The following SLC26A11 variants were observed in gnomAD, a reference collection of about 807,000 sequenced individuals.
The protein encoded by SLC26A11 is solute carrier family 26 member 11, also known as sodium-independent sulfate anion transporter.
SLC26A11 carries 58 observed loss-of-function variants against 62.2 expected under a neutral mutation model. The ratio of observed to expected loss-of-function variants is 0.93; its 90% CI spans 0.76 to 1.16. The LOEUF (loss-of-function observed/expected upper bound fraction) is 1.16. Ranked by LOEUF, SLC26A11 falls within the 50% of genes most tolerant of loss-of-function variation. SLC26A11 has a pLI of 0.00. For synonymous variants in SLC26A11, 411 were observed against 368.9 expected (o/e 1.11, Z -1.31); for missense variants, 790 against 794.3 (o/e 0.99, Z 0.06).
intron 5 of SLC26A11, among the ~76,000 whole-genome samples, chr17:80,224,426 A>T (rs12950019): frequency 5.6e-4 from 68 of 121,408 alleles, no homozygotes; most frequent in African/African-American, 1.9e-3. Context: ...AGTGAGTGAG[A>T]GTGGGTGTGG....
intron 1 of SLC26A11, 36 bp downstream of exon 1, chr17:80,220,532 C>T: frequency 2.3e-6 from 1 of 442,574 alleles, no homozygotes; most frequent in Non-Finnish European, 3.9e-6. Flanking sequence ...CGAGCGGGGA[C>T]CAGGGGCAGG....
At chr17:80,247,653 C>A (rs2144976182) in intron 13 of SLC26A11, among the ~76,000 whole-genome samples, 1 of 152,340 alleles carries the variant, frequency 6.6e-6, no homozygotes, top group Admixed American at 6.5e-5. Context: ...GAAACGTGTT[C>A]ATGTGCCGGC....
Position 80,237,167 on chromosome 17 carries a change from A to T in SLC26A11, c.912+64A>T, listed in dbSNP as rs1363643891. The T allele has an allele frequency of 5.2e-6, 8 of 1,549,006 alleles. No homozygotes were observed. The Admixed American group carries it at 1.5e-4, about 28-fold the overall frequency. ...TGCGGTGGCCCCTGGCCTGGCTCCT[A>T]CCCTGATGTATCTGCTGGGTGCCAG... On this transcript the variant is annotated intron_variant, in intron 8 of 17. Transcript: ENST00000361193.
rs771875538 is a variant in SLC26A11 at position 80,237,437 on chromosome 17, G to A, written c.913-85G>A. ...CACTTGCTCCTGTTACCTGTGGGGC[G>A]GGGTGGGTCCTTGCTGCTTTCATGG... On this transcript the variant is annotated intron_variant, in intron 8 of 17. Transcript: ENST00000361193. 3.2e-5 allele frequency: 40 copies of A among 1,268,354 alleles called. No homozygotes were observed. The African/African-American group carries it at 3.6e-4, about 11-fold the overall frequency. The allele number at this position is 1,268,354 out of a possible 1,614,324, so 78.6% of individuals were successfully genotyped here.
chr17:80,245,061 C>T, intron 10 of SLC26A11, 135 bp from the exon 11 acceptor site: 2 of 723,810 alleles, frequency 2.8e-6, no homozygotes, highest in Non-Finnish European at 4.9e-6. Context: ...AGTGCGTAGG[C>T]CCAGGCCCCC....
intron 7 of SLC26A11, among the ~76,000 whole-genome samples, chr17:80,229,891 C>T (rs148824900): frequency 0.01 from 1,581 of 152,200 alleles, 16 homozygotes; most frequent in South Asian, 0.038. Flanking sequence ...CCAGGGGATT[C>T]ATGGGGTCAG....
At chr17:80,245,400 A>G (rs1241563006) in intron 11 of SLC26A11, 144 bp downstream of exon 11, 1 of 726,324 alleles carries the variant, frequency 1.4e-6, no homozygotes, top group Admixed American at 2.1e-5. Flanking sequence ...GGGGTCACCC[A>G]CTGTCCTCCA....
Position 80,221,795 on chromosome 17 carries a change from G to T in SLC26A11, c.234+1G>T. ...TGAAGTGGCTGGACTCCCGCCCCAG[G>T]TGAGGCGTCTGACCCTGCTGCCAGC... On this transcript the variant is annotated splice_donor_variant, in intron 3 of 17. Coordinates refer to ENST00000361193, the MANE Select transcript of SLC26A11 (RefSeq NM_001166347.2). LOFTEE classifies it high-confidence loss of function. 1 of 1,608,284 alleles carries T rather than the reference G, an allele frequency of 6.2e-7. No individual in the cohort carries two copies. Among genetic ancestry groups the T allele is most frequent in the Non-Finnish European group, 8.5e-7 (1 of 1,179,210 alleles).
intron 6 of SLC26A11, among the ~76,000 whole-genome samples, chr17:80,226,227 A>G (rs2042406654): frequency 6.6e-6 from 1 of 152,150 alleles, no homozygotes; most frequent in Admixed American, 6.5e-5. Flanking sequence ...GGGGACAGGA[A>G]TGGGGAGAGT....
intron 6 of SLC26A11, 103 bp downstream of exon 6, chr17:80,226,019 CAG>C (rs1478477216): frequency 4.6e-5 from 47 of 1,030,934 alleles, no homozygotes; most frequent in South Asian, 9.8e-5. Flanking sequence ...ACTGCTCAAA[CAG>C]GGGTCCCCAG....
In SLC26A11 at chr17:80,228,278, G is replaced by T. The variant is rs546360422; in HGVS notation, c.736+318G>T. Among the ~76,000 whole-genome samples, 208 of 152,184 alleles carry T rather than the reference G, an allele frequency of 1.4e-3. No individual in the cohort carries two copies. Among genetic ancestry groups the T allele is most frequent in the Middle Eastern group, 3.4e-3 (1 of 294 alleles). On this transcript the variant is annotated intron_variant, in intron 7 of 17. Coordinates refer to ENST00000361193, the MANE Select transcript of SLC26A11 (RefSeq NM_001166347.2). This position sits in a 1 kb window ranked among gnomAD's most constrained non-coding sequence, Gnocchi z 4.1. ...CTCCTGAGTAGCTGGGATTACAGGCGCATGCCACCACGCTCGACTGATTTT... is the reference window on the plus strand; with the variant it reads ...CTCCTGAGTAGCTGGGATTACAGGCTCATGCCACCACGCTCGACTGATTTT...
At chr17:80,226,743 G>T (rs958501495) in intron 6 of SLC26A11, among the ~76,000 whole-genome samples, 8 of 152,174 alleles carry the variant, frequency 5.3e-5, no homozygotes, top group Admixed American at 1.3e-4. Flanking sequence ...TCTGATGAGG[G>T]GTACCTCCCT....
At chr17:80,242,664 C>T (rs2042895413) in intron 10 of SLC26A11, among the ~76,000 whole-genome samples, 1 of 152,214 alleles carries the variant, frequency 6.6e-6, no homozygotes, top group African/African-American at 2.4e-5. Flanking sequence ...TGTTACGTCT[C>T]TGCGGGCTGA....
At chr17:80,241,698 GT>G (rs1242493804) in intron 9 of SLC26A11, 72 bp from the exon 10 acceptor site, 1 of 1,455,392 alleles carries the variant, frequency 6.9e-7, no homozygotes, top group African/African-American at 1.4e-5. Context: ...CATAATCTGT[GT>G]TACATTTTGT....
chr17:80,222,595 C>G lies in SLC26A11; in HGVS notation c.235-60C>G. 6.5e-7 allele frequency: 1 copy of G among 1,547,188 alleles called. No individual in the cohort carries two copies. The highest frequency in any genetic ancestry group is 2.3e-5 in the East Asian group (1 of 44,416). ...CACATCCCGAGCTTGGACACGCACA[C>G]TAGGGAGCTGGTGGATGGGCCTCGG... On this transcript the variant is annotated intron_variant, in intron 3 of 17. Coordinates refer to ENST00000361193, the MANE Select transcript of SLC26A11 (RefSeq NM_001166347.2). This position sits in a 1 kb window ranked among gnomAD's most constrained non-coding sequence, Gnocchi z 4.7.
At chr17:80,244,494 C>T (rs1224030650) in intron 10 of SLC26A11, among the ~76,000 whole-genome samples, 3 of 152,132 alleles carry the variant, frequency 2.0e-5, no homozygotes, top group Admixed American at 6.5e-5. Context: ...CTCTGTTCTG[C>T]GTGGGGAAGG....
Position 80,237,568 on chromosome 17 carries a change from A to T in SLC26A11, c.959A>T (p.Glu320Val). 1.2e-6 allele frequency: 2 copies of T among 1,612,110 alleles called. No individual in the cohort carries two copies. The highest frequency in any genetic ancestry group is 8.5e-7 in the Non-Finnish European group (1 of 1,179,340). The change falls in exon 9 of 18, where the codon GAG (glutamate) becomes GTG (valine). Residue 320 changes from glutamate to valine, a missense_variant. Glu to Val is a moderately radical substitution (Grantham distance 121, BLOSUM62 -2). Coordinates refer to ENST00000361193, the MANE Select transcript of SLC26A11 (RefSeq NM_001166347.2). ...GTGGTGCCCCTGATGGGCCTCCTGG[A>T]GAGCATTGCGGTGGCCAAAGCCTTC... ...LAVVPLMGLLESIAVAKAFAS... is the reference protein window; with the variant it reads ...LAVVPLMGLLVSIAVAKAFAS...
In SLC26A11 at chr17:80,221,542, C is replaced by A; in HGVS notation, c.-13-6C>A. The stretch of plus-strand genomic sequence containing the variant: ...ACTGCTGGTCTGTGTCACCTGCACC[C>A]CCCAGCCCCACCGTAGAGATGCCTT... On this transcript the variant is annotated splice_polypyrimidine_tract_variant and splice_region_variant and intron_variant, in intron 2 of 17. Coordinates refer to ENST00000361193, the MANE Select transcript of SLC26A11 (RefSeq NM_001166347.2). The A allele has an allele frequency of 6.4e-7, 1 of 1,551,048 alleles. No homozygotes were observed. Among genetic ancestry groups the A allele is most frequent in the East Asian group, 2.3e-5 (1 of 43,580 alleles).
At chr17:80,229,154 A>G (rs1468267782) in intron 7 of SLC26A11, among the ~76,000 whole-genome samples, 1 of 151,996 alleles carries the variant, frequency 6.6e-6, no homozygotes, top group Non-Finnish European at 1.5e-5. Context: ...CACAGAAGAG[A>G]GAGGGTGGCT....
Sources: gnomAD v4.1 joint callset for allele counts (sites outside exome capture counted in the v4.1 genomes callset) on GRCh38, gnomAD v4.1.1 for gene constraint, Gnocchi (gnomAD v3.1) non-coding constraint, MANE v1.5 for transcripts, NCBI Gene and HGNC (gene_info 2026-07-23, HGNC 2026-07-21) for gene names.